Variants in TMEM132C observed in about 807,000 individuals in gnomAD.
The protein encoded by TMEM132C is transmembrane protein 132C.
TMEM132C carries 29 observed loss-of-function variants against 61.4 expected under a neutral mutation model. The ratio of observed to expected loss-of-function variants is 0.47; its 90% CI spans 0.35 to 0.64. The LOEUF (loss-of-function observed/expected upper bound fraction) is 0.64, where lower values mean the gene tolerates loss of function less well. Ranked by LOEUF, TMEM132C falls within the 30% of genes least tolerant of loss-of-function variation. The pLI is 0.00. For missense variants in TMEM132C, 1,408 were observed against 1,476.9 expected (o/e 0.95, Z 0.76); for synonymous variants, 656 against 633.1 (o/e 1.04, Z -0.54).
chr12:128,338,450 C>G (rs1222309914), intron 1 of TMEM132C, among the ~76,000 whole-genome samples: 1 of 152,056 alleles, frequency 6.6e-6, no homozygotes, highest in African/African-American at 2.4e-5. Flanking sequence ...CACATGTGAC[C>G]CATTTATAAA....
At chr12:128,632,478 C>G (rs371519083) in intron 4 of TMEM132C, among the ~76,000 whole-genome samples, 1 of 152,196 alleles carries the variant, frequency 6.6e-6, no homozygotes, top group Non-Finnish European at 1.5e-5. Context: ...TGTTCTTTTT[C>G]TCTCCAGATG....
chr12:128,641,904 TG>T (rs1954160559), intron 4 of TMEM132C, among the ~76,000 whole-genome samples: 1 of 151,406 alleles, frequency 6.6e-6, no homozygotes, highest in South Asian at 2.1e-4. Context: ...AAGTGATTTT[TG>T]TGCCTCTGCC....
intron 2 of TMEM132C, among the ~76,000 whole-genome samples, chr12:128,449,716 C>T (rs1870117762): frequency 6.6e-6 from 1 of 152,138 alleles, no homozygotes; most frequent in Non-Finnish European, 1.5e-5. Flanking sequence ...TAAAGAATCC[C>T]ATTGTCTCAA....
intron 1 of TMEM132C, among the ~76,000 whole-genome samples, chr12:128,396,478 G>T (rs1593038587): frequency 3.3e-5 from 2 of 61,444 alleles, no homozygotes; most frequent in African/African-American, 1.3e-4. Flanking sequence ...CCTAGATGAC[G>T]GGTTGATGGG....
At chr12:128,269,955 A>G (rs1420047003) in intron 1 of TMEM132C, among the ~76,000 whole-genome samples, 1 of 152,170 alleles carries the variant, frequency 6.6e-6, no homozygotes, top group Non-Finnish European at 1.5e-5. Flanking sequence ...AGGCTTTGCA[A>G]TTTGTCAGGG....
At chr12:128,386,322 G>C (rs766789559) in intron 1 of TMEM132C, among the ~76,000 whole-genome samples, 9 of 152,158 alleles carry the variant, frequency 5.9e-5, no homozygotes, top group Non-Finnish European at 1.3e-4. Context: ...CTATTTTCTA[G>C]ACTGATGGAA....
At chr12:128,683,548 C>G (rs1379302035) in intron 5 of TMEM132C, among the ~76,000 whole-genome samples, 2 of 152,190 alleles carry the variant, frequency 1.3e-5, no homozygotes, top group Non-Finnish European at 2.9e-5. Flanking sequence ...GCTGTGAGAC[C>G]TTGGACCAGT....
chr12:128,665,413 A>G (rs1429856054), intron 4 of TMEM132C, among the ~76,000 whole-genome samples: 1 of 149,796 alleles, frequency 6.7e-6, no homozygotes, highest in Admixed American at 6.6e-5. Flanking sequence ...ACATACACAA[A>G]TACAGGCACA....
chr12:128,312,180 T>A lies in TMEM132C; in HGVS notation c.85+44693T>A, dbSNP rs564031701. 9.4e-4 allele frequency among the ~76,000 whole-genome samples: 143 copies of A among 152,320 alleles called. 1 individual carries two copies. The highest frequency in any genetic ancestry group is 1.5e-3 in the Non-Finnish European group (104 of 68,032). On this transcript the variant is annotated intron_variant, in intron 1 of 8. Transcript: ENST00000435159. ...AATATTGTTCCCCCCAAATCTCATG[T>A]CCACCCTGAACCACAGAATGTGACC... is the stretch of plus-strand genomic sequence containing the variant.
chr12:128,447,836 C>T (rs1290744069), intron 2 of TMEM132C, among the ~76,000 whole-genome samples: 3 of 131,646 alleles, frequency 2.3e-5, no homozygotes, highest in South Asian at 2.4e-4. Context: ...ACGCCATTCT[C>T]CTGCCTCAGC....
At chr12:128,373,841 A>G (rs527552481) in intron 1 of TMEM132C, among the ~76,000 whole-genome samples, 2 of 152,344 alleles carry the variant, frequency 1.3e-5, no homozygotes, top group African/African-American at 4.8e-5. Flanking sequence ...TAACACGAGC[A>G]TCAGGGAGAT....
chr12:128,534,161 T>C (rs12316939), intron 2 of TMEM132C, among the ~76,000 whole-genome samples: 24,224 of 152,186 alleles, frequency 0.16, 2,980 homozygotes, highest in African/African-American at 0.33. Context: ...TAATCATCCC[T>C]GTGTTATACC....
chr12:128,273,903 A>C (rs1001114627), intron 1 of TMEM132C, among the ~76,000 whole-genome samples: 1 of 152,230 alleles, frequency 6.6e-6, no homozygotes, highest in African/African-American at 2.4e-5. Flanking sequence ...TTTAAAAATT[A>C]TCTTTATGTC....
chr12:128,291,803 G>A (rs1566044479), intron 1 of TMEM132C, among the ~76,000 whole-genome samples: 1 of 152,194 alleles, frequency 6.6e-6, no homozygotes, highest in Non-Finnish European at 1.5e-5. Flanking sequence ...CCTGTCTGAG[G>A]CAGTGGCAGA....
At chr12:128,428,222 A>G (rs1565933316) in intron 2 of TMEM132C, among the ~76,000 whole-genome samples, 1 of 132,024 alleles carries the variant, frequency 7.6e-6, no homozygotes, top group African/African-American at 2.8e-5. Flanking sequence ...ACTGACTTAG[A>G]CTTAAAAAGG....
intron 3 of TMEM132C, among the ~76,000 whole-genome samples, chr12:128,566,199 A>C (rs895045476): frequency 1.3e-5 from 2 of 151,962 alleles, no homozygotes; most frequent in Non-Finnish European, 1.5e-5. Flanking sequence ...CAAAAAAAAA[A>C]AAAAAAAAGT....
At chr12:128,623,340 T>C (rs1953984528) in intron 4 of TMEM132C, among the ~76,000 whole-genome samples, 1 of 152,036 alleles carries the variant, frequency 6.6e-6, no homozygotes, top group Non-Finnish European at 1.5e-5. Flanking sequence ...AGTAAAGCTA[T>C]GTTCTGGCAC....
At chr12:128,593,993 T>C (rs140745363) in intron 3 of TMEM132C, among the ~76,000 whole-genome samples, 1 of 151,906 alleles carries the variant, frequency 6.6e-6, no homozygotes, top group African/African-American at 2.4e-5. Flanking sequence ...GCTCCTTCTG[T>C]ACCCCAACAT....
At chr12:128,587,137 G>A (rs184362500) in intron 3 of TMEM132C, among the ~76,000 whole-genome samples, 31 of 152,356 alleles carry the variant, frequency 2.0e-4, no homozygotes, top group African/African-American at 7.5e-4. Flanking sequence ...GGCAGCAGTG[G>A]ATAGCACTGG....
Sources: gnomAD v4.1 joint callset for allele counts (sites outside exome capture counted in the v4.1 genomes callset) on GRCh38, gnomAD v4.1.1 for gene constraint, MANE v1.5 for transcripts, NCBI Gene and HGNC (gene_info 2026-07-23, HGNC 2026-07-21) for gene names.